Variants in MICU2 observed in about 807,000 individuals in gnomAD.
The protein encoded by MICU2 is mitochondrial calcium uptake 2, also known as calcium uptake protein 2, mitochondrial.
MICU2 carries 64 observed loss-of-function variants against 60.4 expected under a neutral mutation model. The observed-to-expected ratio is 1.06, with a 90% CI of 0.87 to 1.31. MICU2 has a LOEUF of 1.31. Among genes scored for constraint, MICU2 ranks in the 50% most tolerant of loss-of-function variants. The pLI is 0.00. For synonymous variants in MICU2, 201 were observed against 175.0 expected (o/e 1.15, Z -1.17); for missense variants, 569 against 531.0 (o/e 1.07, Z -0.70).
At chr13:21,569,121 G>C (rs929726590) in intron 1 of MICU2, among the ~76,000 whole-genome samples, 2 of 152,102 alleles carry the variant, frequency 1.3e-5, no homozygotes, top group Admixed American at 1.3e-4. Flanking sequence ...CCGAGCTTGA[G>C]GCTGTCATTG....
intron 8 of MICU2, among the ~76,000 whole-genome samples, chr13:21,508,243 A>G (rs1886340924): frequency 6.6e-6 from 1 of 151,040 alleles, no homozygotes. Flanking sequence ...CTCCTGCCTC[A>G]GCCTCCCAAG....
intron 8 of MICU2, 145 bp downstream of exon 8, chr13:21,509,859 A>T (rs3814795): frequency 1.6e-5 from 7 of 437,500 alleles, no homozygotes; most frequent in Non-Finnish European, 2.4e-5. Context: ...TTTAGTTCTC[A>T]GAGATAAATA....
intron 1 of MICU2, among the ~76,000 whole-genome samples, chr13:21,586,060 A>T (rs1888450070): frequency 6.6e-6 from 1 of 152,212 alleles, no homozygotes; most frequent in Non-Finnish European, 1.5e-5. Context: ...CACTAGAAGA[A>T]AGCCATTAGA....
intron 6 of MICU2, among the ~76,000 whole-genome samples, chr13:21,515,834 T>C (rs1348853555): frequency 6.6e-6 from 1 of 152,212 alleles, no homozygotes; most frequent in Non-Finnish European, 1.5e-5. Flanking sequence ...TACTTAATTA[T>C]TTTTGGGAAA....
At chr13:21,514,459 AGATTTTTC>A (rs769584676) in intron 6 of MICU2, 41 bp from the exon 7 acceptor site, 1 of 1,495,978 alleles carries the variant, frequency 6.7e-7, no homozygotes, top group Non-Finnish European at 9.2e-7. Context: ...TGTGCCTACC[AGATTTTTC>A]AAAACAACCT....
chr13:21,569,493 C>G (rs867370590), intron 1 of MICU2, among the ~76,000 whole-genome samples: 14 of 152,082 alleles, frequency 9.2e-5, no homozygotes, highest in South Asian at 4.2e-4. Context: ...GCAGAGGAAG[C>G]CCCCAAGTCA....
At chr13:21,599,899 T>C (rs1180961659) in intron 1 of MICU2, among the ~76,000 whole-genome samples, 1 of 152,220 alleles carries the variant, frequency 6.6e-6, no homozygotes, top group Non-Finnish European at 1.5e-5. Flanking sequence ...AACTCTAATA[T>C]AGTACGAAAA....
At chr13:21,599,287 T>C (rs1242371262) in intron 1 of MICU2, among the ~76,000 whole-genome samples, 4 of 152,240 alleles carry the variant, frequency 2.6e-5, no homozygotes, top group African/African-American at 9.6e-5. Flanking sequence ...CCCTTCTCCA[T>C]TGAAATAACT....
chr13:21,561,720 T>A (rs1479920175), intron 2 of MICU2, among the ~76,000 whole-genome samples: 9 of 150,904 alleles, frequency 6.0e-5, no homozygotes, highest in East Asian at 5.8e-4. Context: ...TCTTTTTTTT[T>A]ATTATTATTA....
intron 2 of MICU2, among the ~76,000 whole-genome samples, chr13:21,549,158 T>C (rs945259540): frequency 6.6e-6 from 1 of 151,984 alleles, no homozygotes; most frequent in Non-Finnish European, 1.5e-5. Flanking sequence ...CTTGATCTCC[T>C]GACCTCGTGA....
At chr13:21,587,685 A>G (rs1593357927) in intron 1 of MICU2, among the ~76,000 whole-genome samples, 1 of 152,240 alleles carries the variant, frequency 6.6e-6, no homozygotes, top group East Asian at 1.9e-4. Context: ...GCACAGCTTT[A>G]GCTGGACACT....
At chr13:21,593,125 C>G (rs997537955) in intron 1 of MICU2, among the ~76,000 whole-genome samples, 3 of 152,176 alleles carry the variant, frequency 2.0e-5, no homozygotes, top group Admixed American at 2.0e-4. Context: ...ATCGCATCAT[C>G]TCAGCCCAAA....
intron 4 of MICU2, among the ~76,000 whole-genome samples, chr13:21,534,254 G>A (rs1012173110): frequency 6.6e-6 from 1 of 151,286 alleles, no homozygotes; most frequent in Admixed American, 6.6e-5. Context: ...TGCCCAGGCT[G>A]GAGTATAGCG....
chr13:21,543,388 C>T lies in MICU2; in HGVS notation c.359-3700G>A, dbSNP rs550166505. On this transcript the variant is annotated intron_variant, in intron 2 of 11. Coordinates refer to ENST00000382374, the MANE Select transcript of MICU2 (RefSeq NM_152726.3). ...TGGAAAGGAAGAAGTCAAACTGTTC[C>T]TATTTGCAGACAACATGATCTTATA... Among the ~76,000 whole-genome samples the T allele has an allele frequency of 3.3e-5, 5 of 152,210 alleles. No homozygotes were observed. The East Asian group carries it at 9.6e-4, about 29-fold the overall frequency.
intron 4 of MICU2, among the ~76,000 whole-genome samples, chr13:21,535,908 G>A (rs1593331697): frequency 6.6e-6 from 1 of 152,146 alleles, no homozygotes; most frequent in African/African-American, 2.4e-5. Context: ...TGAAAGTGAG[G>A]ATGAAAGAGA....
chr13:21,529,743 A>G (rs1054391361), intron 4 of MICU2, among the ~76,000 whole-genome samples: 1 of 152,200 alleles, frequency 6.6e-6, no homozygotes, highest in Non-Finnish European at 1.5e-5. Flanking sequence ...TATCATCTCT[A>G]TTTTACAGAT....
intron 4 of MICU2, among the ~76,000 whole-genome samples, chr13:21,523,873 G>A (rs1886785775): frequency 6.6e-6 from 1 of 152,202 alleles, no homozygotes; most frequent in Non-Finnish European, 1.5e-5. Context: ...AGGAATGTGA[G>A]GCAATGGAGA....
chr13:21,520,539 C>T (rs1051827898), intron 6 of MICU2, among the ~76,000 whole-genome samples: 6 of 152,144 alleles, frequency 3.9e-5, no homozygotes, highest in Non-Finnish European at 7.3e-5. Flanking sequence ...CTAGTATGTG[C>T]TAAGCACTAT....
At chr13:21,547,505 T>A (rs1340657096) in intron 2 of MICU2, among the ~76,000 whole-genome samples, 3 of 152,196 alleles carry the variant, frequency 2.0e-5, no homozygotes, top group African/African-American at 7.2e-5. Context: ...ATTCTATTAA[T>A]GTAATAATAG....
Sources: gnomAD v4.1 joint callset for allele counts (sites outside exome capture counted in the v4.1 genomes callset) on GRCh38, gnomAD v4.1.1 for gene constraint, MANE v1.5 for transcripts, NCBI Gene and HGNC (gene_info 2026-07-23, HGNC 2026-07-21) for gene names.